The following EPB41 variants were observed in gnomAD, a reference collection of about 807,000 sequenced individuals.
EPB41 encodes the protein protein 4.1.
Under a neutral mutation model 108.0 loss-of-function variants are expected in EPB41, and 65 were observed. That is an observed-to-expected ratio of 0.60 (90% CI 0.49 to 0.74). The LOEUF is 0.74. Ranked by LOEUF, EPB41 falls within the 30% of genes least tolerant of loss-of-function variation. The pLI, the probability that EPB41 is intolerant of heterozygous loss-of-function variation, is 0.00. For synonymous variants in EPB41, 336 were observed against 358.9 expected (o/e 0.94, Z 0.72); for missense variants, 875 against 1,037.0 (o/e 0.84, Z 2.15).
intron 1 of EPB41, among the ~76,000 whole-genome samples, chr1:28,901,503 G>A (rs1318809349): frequency 6.6e-6 from 1 of 151,880 alleles, no homozygotes; most frequent in South Asian, 2.1e-4. Flanking sequence ...GATTACAGGC[G>A]TGAGCCACTG....
At position 29,117,523 on chromosome 1, in the gene EPB41, T is replaced by C. The variant is rs954839654; in HGVS notation, c.*711T>C. The C allele has an allele frequency of 6.5e-6, 1 of 152,774 alleles. No individual in the cohort carries two copies. Among genetic ancestry groups the C allele is most frequent in the Non-Finnish European group, 1.5e-5 (1 of 68,048 alleles). The allele number at this position is 152,774 out of a possible 1,614,324, so 9.5% of individuals were successfully genotyped here. On this transcript the variant is annotated 3_prime_UTR_variant, in exon 21 of 21. Transcript: ENST00000343067. ...TGCTTCAGATATCTGATACTGTGAATGTTTGAACATATCCGTGGCCTTCAC... is the reference window on the plus strand; with the variant it reads ...TGCTTCAGATATCTGATACTGTGAACGTTTGAACATATCCGTGGCCTTCAC...
chr1:29,081,879 C>T (rs1300982959), intron 16 of EPB41, among the ~76,000 whole-genome samples: 8 of 150,644 alleles, frequency 5.3e-5, no homozygotes, highest in African/African-American at 9.7e-5. Context: ...TTAGAGTGGT[C>T]TATTTACTAG....
intron 1 of EPB41, among the ~76,000 whole-genome samples, chr1:28,959,643 G>A (rs1004625627): frequency 7.9e-5 from 12 of 152,160 alleles, no homozygotes; most frequent in African/African-American, 2.9e-4. Flanking sequence ...ATAGTCGAGT[G>A]AATTAGAGCA....
chr1:28,926,183 TAAA>T (rs5773225), intron 1 of EPB41, among the ~76,000 whole-genome samples: 1 of 147,154 alleles, frequency 6.8e-6, no homozygotes, highest in Non-Finnish European at 1.5e-5. Context: ...CCATCTCTAC[TAAA>T]AAAAAAAAAA....
chr1:28,937,189 C>A (rs751469327), intron 1 of EPB41, among the ~76,000 whole-genome samples: 4 of 152,134 alleles, frequency 2.6e-5, no homozygotes, highest in Admixed American at 6.5e-5. Flanking sequence ...TTTTCATGTG[C>A]TATTGGCCAT....
At chr1:28,921,961 T>TATATATATATATATATATGTAC (rs770764638) in intron 1 of EPB41, among the ~76,000 whole-genome samples, 1 of 109,922 alleles carries the variant, frequency 9.1e-6, no homozygotes, top group East Asian at 7.7e-4. Context: ...TATATATATA[T>TATATATATATATATATATGTAC]ACACTTTTTT....
At chr1:28,934,464 C>G (rs923370852) in intron 1 of EPB41, among the ~76,000 whole-genome samples, 7 of 152,136 alleles carry the variant, frequency 4.6e-5, no homozygotes, top group African/African-American at 1.7e-4. Context: ...AATATCTACA[C>G]AAATTATTTG....
intron 1 of EPB41, among the ~76,000 whole-genome samples, chr1:28,947,497 C>G (rs957164881): frequency 6.6e-6 from 1 of 151,994 alleles, no homozygotes; most frequent in African/African-American, 2.4e-5. Context: ...TTATTAGATG[C>G]AACCAGGGAA....
chr1:29,086,434 C>T (rs911910202), intron 16 of EPB41, among the ~76,000 whole-genome samples: 1 of 151,894 alleles, frequency 6.6e-6, no homozygotes, highest in African/African-American at 2.4e-5. Context: ...CCACCACACC[C>T]AGCTAATTTT....
intron 1 of EPB41, among the ~76,000 whole-genome samples, chr1:28,970,849 AT>A (rs1224970253): frequency 6.6e-6 from 1 of 152,080 alleles, no homozygotes; most frequent in Non-Finnish European, 1.5e-5. Context: ...CTTCCTTAGC[AT>A]TTACTCTCTT....
At chr1:28,899,791 A>T (rs965658124) in intron 1 of EPB41, among the ~76,000 whole-genome samples, 3 of 152,138 alleles carry the variant, frequency 2.0e-5, no homozygotes, top group African/African-American at 7.2e-5. Context: ...TTAAAAAAGG[A>T]AGGGGATGGA....
chr1:29,087,063 G>C (rs1454026034), intron 16 of EPB41, among the ~76,000 whole-genome samples: 1 of 148,096 alleles, frequency 6.8e-6, no homozygotes, highest in African/African-American at 2.5e-5. Context: ...TCCTGCCTCA[G>C]CCTGAGTAGC....
chr1:28,953,189 CTCTCTT>C, intron 1 of EPB41, among the ~76,000 whole-genome samples: 1 of 152,098 alleles, frequency 6.6e-6, no homozygotes, highest in Non-Finnish European at 1.5e-5. Flanking sequence ...TTATCTCTCT[CTCTCTT>C]TTTCTTATAA....
chr1:28,982,382 A>AG, intron 1 of EPB41: 1 of 723,146 alleles, frequency 1.4e-6, no homozygotes, highest in Non-Finnish European at 2.6e-6. Flanking sequence ...AGGTGATTGT[A>AG]GTTACAAACT....
chr1:28,923,219 C>G (rs1192665196), intron 1 of EPB41, among the ~76,000 whole-genome samples: 1 of 149,886 alleles, frequency 6.7e-6, no homozygotes, highest in African/African-American at 2.5e-5. Flanking sequence ...CCTCAGCCTC[C>G]CAAGTAGCTG....
At chr1:29,024,013 A>G (rs995835105) in intron 7 of EPB41, among the ~76,000 whole-genome samples, 2 of 152,056 alleles carry the variant, frequency 1.3e-5, no homozygotes, top group Non-Finnish European at 2.9e-5. Flanking sequence ...ATGACAGTAT[A>G]TAGTGAGAGT....
At chr1:29,086,940 C>CTTTTTTTTTTT (rs386366593) in intron 16 of EPB41, among the ~76,000 whole-genome samples, 2 of 98,564 alleles carry the variant, frequency 2.0e-5, no homozygotes, top group African/African-American at 4.0e-5. Flanking sequence ...AACTGTGGTT[C>CTTTTTTTTTTT]TTTTTTTTTT....
At chr1:28,950,924 C>T (rs899578364) in intron 1 of EPB41, among the ~76,000 whole-genome samples, 1 of 152,092 alleles carries the variant, frequency 6.6e-6, no homozygotes, top group African/African-American at 2.4e-5. Context: ...CAACCTCTGC[C>T]TCCCAGGTGC....
At chr1:29,023,749 T>TA (rs1222692927) in intron 7 of EPB41, among the ~76,000 whole-genome samples, 1 of 151,862 alleles carries the variant, frequency 6.6e-6, no homozygotes, top group Non-Finnish European at 1.5e-5. Context: ...CAATAATTGT[T>TA]AAGAGAATAA....
Sources: allele counts gnomAD v4.1 joint callset (sites outside exome capture counted in the v4.1 genomes callset), GRCh38; gene constraint gnomAD v4.1.1; transcripts MANE v1.5; gene names NCBI Gene and HGNC (gene_info 2026-07-23, HGNC 2026-07-21).